DAB1: variants seen among roughly 807,000 people sequenced by gnomAD.
The protein encoded by DAB1 is DAB adaptor protein 1.
A neutral mutation model predicts 64.6 loss-of-function variants in DAB1; 15 were observed. That is an observed-to-expected ratio of 0.23 (90% CI 0.16 to 0.36). The LOEUF (loss-of-function observed/expected upper bound fraction) is 0.36. Ranked by LOEUF, DAB1 falls within the 10% of genes least tolerant of loss-of-function variation. DAB1 has a pLI of 1.00. For synonymous variants in DAB1, 235 were observed against 251.9 expected (o/e 0.93, Z 0.64); for missense variants, 596 against 706.7 (o/e 0.84, Z 1.78).
At chr1:57,549,095 C>T (rs975440999) in intron 7 of DAB1, among the ~76,000 whole-genome samples, 18 of 152,216 alleles carry the variant, frequency 1.2e-4, no homozygotes, top group South Asian at 4.1e-4. Context: ...ACTGGATCTA[C>T]GCAATGTAGG....
chr1:57,957,430 G>A (rs1645417598), intron 5 of DAB1, among the ~76,000 whole-genome samples: 1 of 152,118 alleles, frequency 6.6e-6, no homozygotes. Flanking sequence ...TGGGGTGAAG[G>A]GAGAAATCAG....
At chr1:57,832,682 A>G (rs1652640877) in intron 1 of DAB1, among the ~76,000 whole-genome samples, 1 of 152,226 alleles carries the variant, frequency 6.6e-6, no homozygotes, top group Admixed American at 6.5e-5. Context: ...CAGTCAATGG[A>G]GAGGATTCAA....
chr1:58,225,224 C>A (rs1659400939), intron 4 of DAB1, among the ~76,000 whole-genome samples: 1 of 151,940 alleles, frequency 6.6e-6, no homozygotes, highest in Non-Finnish European at 1.5e-5. Context: ...CTCATCATCA[C>A]TGGCCATCAG....
chr1:57,649,226 G>A (rs1026661625), intron 7 of DAB1, among the ~76,000 whole-genome samples: 2 of 152,152 alleles, frequency 1.3e-5, no homozygotes, highest in African/African-American at 4.8e-5. Flanking sequence ...ACAGAGGGGT[G>A]CATTTAAGAA....
At chr1:57,497,058 C>A (rs556671620) in intron 7 of DAB1, among the ~76,000 whole-genome samples, 1 of 152,278 alleles carries the variant, frequency 6.6e-6, no homozygotes, top group Admixed American at 6.5e-5. Context: ...TCAGAAAGTT[C>A]TTCTCCTGAT....
At chr1:58,407,976 C>T (rs1464546499) in intron 3 of DAB1, among the ~76,000 whole-genome samples, 2 of 152,320 alleles carry the variant, frequency 1.3e-5, no homozygotes, top group East Asian at 3.9e-4. Flanking sequence ...CTTGCCTCCT[C>T]ACTCACTCAG....
intron 7 of DAB1, among the ~76,000 whole-genome samples, chr1:57,502,318 CAA>C (rs10649147): frequency 4.2e-5 from 4 of 94,236 alleles, no homozygotes; most frequent in Non-Finnish European, 4.2e-5. Flanking sequence ...GAGTCCGTCT[CAA>C]AAAAAAAAAA....
intron 3 of DAB1, among the ~76,000 whole-genome samples, chr1:58,446,884 G>A (rs1321355845): frequency 6.6e-6 from 1 of 152,166 alleles, no homozygotes; most frequent in East Asian, 1.9e-4. Flanking sequence ...AAATTACCAT[G>A]GTGTGCTGGC....
rs140958103 is a variant in DAB1 at position 57,050,309 on chromosome 1, C to G, written c.723+12575G>C. Among the ~76,000 whole-genome samples, 4 of 152,236 alleles carry G rather than the reference C, an allele frequency of 2.6e-5. No homozygotes were observed. The East Asian group carries it at 7.7e-4, about 29-fold the overall frequency. ...CCTGCCACAAGCCACCAGAGGTACA[C>G]TGAAAAAAGCAAAACTGATGTTGTC... On this transcript the variant is annotated intron_variant, in intron 9 of 14. Coordinates refer to ENST00000371236, the MANE Select transcript of DAB1 (RefSeq NM_001365792.1).
At chr1:57,667,249 GCCCACATT>G (rs1178087357) in intron 6 of DAB1, among the ~76,000 whole-genome samples, 4 of 152,074 alleles carry the variant, frequency 2.6e-5, no homozygotes, top group Non-Finnish European at 5.9e-5. Context: ...AAAGATTGCA[GCCCACATT>G]TCCAGCAGTT....
chr1:58,408,034 G>A lies in DAB1; in HGVS notation n.258-64631C>T, dbSNP rs543505977. On this transcript the variant is annotated intron_variant and non_coding_transcript_variant, in intron 3 of 20. Coordinates refer to the DAB1 transcript ENST00000485760. Reference sequence around the variant, plus strand: ...TTTCTCTAACATGGTGGGTCTCAACGTGTACTCCCTGGACCAGCAGCCTCA... The same window carrying A: ...TTTCTCTAACATGGTGGGTCTCAACATGTACTCCCTGGACCAGCAGCCTCA... Among the ~76,000 whole-genome samples the A allele has an allele frequency of 3.3e-5, 5 of 152,210 alleles. No individual in the cohort carries two copies. In the East Asian group the frequency reaches 5.8e-4, roughly 18 times the overall value.
rs1390461766 is a variant in DAB1 at position 57,171,346 on chromosome 1, G to A, written c.68-25917C>T. Among the ~76,000 whole-genome samples, 5 of 152,176 alleles carry A rather than the reference G, an allele frequency of 3.3e-5. No homozygotes were observed. In the East Asian group the frequency reaches 9.6e-4, roughly 29 times the overall value. ...AAGTGAGGTGGTTTGTGTTTGCTTA[G>A]TACAATGCAAATCACTGAGGATGTT... On this transcript the variant is annotated intron_variant, in intron 2 of 14. Transcript: ENST00000371236.
At chr1:58,202,915 A>G (rs1163360909) in intron 4 of DAB1, among the ~76,000 whole-genome samples, 1 of 152,166 alleles carries the variant, frequency 6.6e-6, no homozygotes, top group Non-Finnish European at 1.5e-5. Context: ...ACTTAAACCA[A>G]TTGCTTAGTG....
intron 3 of DAB1, among the ~76,000 whole-genome samples, chr1:58,439,456 A>G (rs1181821960): frequency 6.6e-6 from 1 of 152,104 alleles, no homozygotes; most frequent in Non-Finnish European, 1.5e-5. Context: ...AAGTTTAGTG[A>G]CCTGAACCCT....
chr1:58,238,363 A>AT (rs762257898), intron 4 of DAB1, among the ~76,000 whole-genome samples: 12 of 152,208 alleles, frequency 7.9e-5, no homozygotes, highest in Non-Finnish European at 1.5e-4. Context: ...CACAAAGGGC[A>AT]TTTTGCTCAT....
At chr1:57,049,899 GCT>G (rs1648999104) in intron 9 of DAB1, among the ~76,000 whole-genome samples, 1 of 152,166 alleles carries the variant, frequency 6.6e-6, no homozygotes, top group Non-Finnish European at 1.5e-5. Flanking sequence ...TTCTCTCCCA[GCT>G]CTCTTCTGGC....
chr1:57,905,235 C>T (rs1287241251), intron 5 of DAB1, among the ~76,000 whole-genome samples: 1 of 151,804 alleles, frequency 6.6e-6, no homozygotes, highest in Admixed American at 6.6e-5. Flanking sequence ...AACCCCTCTG[C>T]TCTGCTACAG....
intron 1 of DAB1, among the ~76,000 whole-genome samples, chr1:57,379,313 G>A (rs1334620091): frequency 6.6e-6 from 1 of 152,090 alleles, no homozygotes; most frequent in African/African-American, 2.4e-5. Flanking sequence ...TGTAACATAA[G>A]AGAGTTTAAT....
intron 4 of DAB1, among the ~76,000 whole-genome samples, chr1:58,299,738 T>C (rs535504727): frequency 2.6e-5 from 4 of 152,292 alleles, no homozygotes; most frequent in African/African-American, 9.6e-5. Flanking sequence ...AAGAGACGAA[T>C]GAGCAGAATT....
Sources: allele counts gnomAD v4.1 joint callset (sites outside exome capture counted in the v4.1 genomes callset), GRCh38; gene constraint gnomAD v4.1.1; transcripts MANE v1.5; gene names NCBI Gene and HGNC (gene_info 2026-07-23, HGNC 2026-07-21).